Variants in EFNA5 observed in about 807,000 individuals in gnomAD.
The protein encoded by EFNA5 is ephrin A5.
In EFNA5, 5 loss-of-function variants were observed where a neutral mutation model predicts 22.9. The ratio of observed to expected loss-of-function variants is 0.22; its 90% confidence interval spans 0.11 to 0.46. The LOEUF (loss-of-function observed/expected upper bound fraction) is 0.46, where lower values mean the gene tolerates loss of function less well. Ranked by LOEUF, EFNA5 falls within the 20% of genes least tolerant of loss-of-function variation. The pLI is 0.99. For missense variants in EFNA5, 237 were observed against 293.3 expected (o/e 0.81, Z 1.40); for synonymous variants, 113 against 112.2 (o/e 1.01, Z -0.04).
At chr5:107,402,768 A>T (rs574898220) in intron 2 of EFNA5, among the ~76,000 whole-genome samples, 2 of 152,290 alleles carry the variant, frequency 1.3e-5, no homozygotes, top group South Asian at 4.1e-4. Flanking sequence ...GAAAAAAGAA[A>T]TTCTGTGGCA....
chr5:107,631,496 T>C (rs796860172), intron 1 of EFNA5, among the ~76,000 whole-genome samples: 26 of 152,112 alleles, frequency 1.7e-4, no homozygotes, highest in African/African-American at 4.8e-4. Context: ...ATTGAGCAAA[T>C]AGTTTTTCTG....
chr5:107,588,669 C>G (rs1749246876), intron 1 of EFNA5, among the ~76,000 whole-genome samples: 2 of 152,106 alleles, frequency 1.3e-5, no homozygotes, highest in African/African-American at 4.8e-5. Context: ...AATTGTTTCC[C>G]AAATATATTA....
intron 1 of EFNA5, among the ~76,000 whole-genome samples, chr5:107,522,480 G>A (rs1438143678): frequency 6.6e-6 from 1 of 152,060 alleles, no homozygotes; most frequent in African/African-American, 2.4e-5. Flanking sequence ...CTCACTGCAG[G>A]CTGGAACTCC....
intron 1 of EFNA5, among the ~76,000 whole-genome samples, chr5:107,637,276 C>T (rs1394856817): frequency 6.6e-6 from 1 of 152,176 alleles, no homozygotes; most frequent in Non-Finnish European, 1.5e-5. Flanking sequence ...CTTTAATCCA[C>T]TCCCAAGAAT....
chr5:107,408,153 C>G (rs1245944173), intron 2 of EFNA5, among the ~76,000 whole-genome samples: 1 of 151,808 alleles, frequency 6.6e-6, no homozygotes, highest in East Asian at 1.9e-4. Flanking sequence ...CCACAATGTG[C>G]CCTCAGCAAA....
chr5:107,408,492 T>C (rs1381849192), intron 2 of EFNA5, among the ~76,000 whole-genome samples: 1 of 152,228 alleles, frequency 6.6e-6, no homozygotes, highest in African/African-American at 2.4e-5. Context: ...ATTTATCTTT[T>C]GTAAAATCCT....
chr5:107,654,482 C>T (rs1750787502), intron 1 of EFNA5, among the ~76,000 whole-genome samples: 1 of 151,958 alleles, frequency 6.6e-6, no homozygotes, highest in Non-Finnish European at 1.5e-5. Flanking sequence ...AGTTGTCTGC[C>T]ATAACCAACT....
intron 1 of EFNA5, among the ~76,000 whole-genome samples, chr5:107,567,357 G>A (rs1022290966): frequency 2.6e-5 from 4 of 152,214 alleles, no homozygotes; most frequent in African/African-American, 7.2e-5. Flanking sequence ...ATAAGGCACA[G>A]AATCAACAAC....
chr5:107,479,916 A>T (rs907494572), intron 1 of EFNA5, among the ~76,000 whole-genome samples: 15 of 152,180 alleles, frequency 9.9e-5, no homozygotes, highest in African/African-American at 2.4e-4. Flanking sequence ...AGTATATTTT[A>T]AAAAACTAAA....
chr5:107,511,408 GT>G (rs1360165690), intron 1 of EFNA5, among the ~76,000 whole-genome samples: 1 of 152,142 alleles, frequency 6.6e-6, no homozygotes, highest in Non-Finnish European at 1.5e-5. Context: ...CATTTTTAAA[GT>G]AAATGGATGT....
intron 1 of EFNA5, among the ~76,000 whole-genome samples, chr5:107,431,029 C>T (rs1250350264): frequency 6.6e-6 from 1 of 152,154 alleles, no homozygotes; most frequent in Non-Finnish European, 1.5e-5. Flanking sequence ...CCAGCTCGGC[C>T]TCCCGAAGTG....
At chr5:107,580,340 C>A (rs1454451725) in intron 1 of EFNA5, among the ~76,000 whole-genome samples, 3 of 152,140 alleles carry the variant, frequency 2.0e-5, no homozygotes, top group Admixed American at 2.0e-4. Flanking sequence ...CTCATTTTCT[C>A]CAGCTATTTA....
At chr5:107,387,617 T>TA (rs982888493) in intron 3 of EFNA5, 89 bp downstream of exon 3, 67 of 877,966 alleles carry the variant, frequency 7.6e-5, no homozygotes, top group South Asian at 2.1e-4. Flanking sequence ...GATTTAACAG[T>TA]AAAAAAAAGT....
Position 107,502,949 on chromosome 5 carries a change from G to A in EFNA5, c.126-75440C>T, listed in dbSNP as rs544353515. Among the ~76,000 whole-genome samples the A allele has an allele frequency of 2.0e-5, 3 of 152,302 alleles. No individual in the cohort carries two copies. The East Asian group carries it at 5.8e-4, about 29-fold the overall frequency. On this transcript the variant is annotated intron_variant, in intron 1 of 4. Transcript: ENST00000333274. ...AGTCAACAGATGGTCTCTGGCTAAG[G>A]TGTAATCAGGAGCAGCTTGCTAAAT... is the stretch of plus-strand genomic sequence containing the variant.
At chr5:107,558,277 T>C (rs967626153) in intron 1 of EFNA5, among the ~76,000 whole-genome samples, 2 of 151,978 alleles carry the variant, frequency 1.3e-5, no homozygotes, top group African/African-American at 4.8e-5. Context: ...TTTTTTTTTG[T>C]TGTTTATTTT....
chr5:107,636,392 G>A (rs777040915), intron 1 of EFNA5, among the ~76,000 whole-genome samples: 2 of 152,164 alleles, frequency 1.3e-5, no homozygotes, highest in Admixed American at 6.5e-5. Flanking sequence ...AAAGCACAAA[G>A]CATGTTCAAA....
At chr5:107,574,592 C>A (rs1334175396) in intron 1 of EFNA5, among the ~76,000 whole-genome samples, 5 of 152,142 alleles carry the variant, frequency 3.3e-5, no homozygotes, top group African/African-American at 1.2e-4. Flanking sequence ...CAATTCTGTT[C>A]CAAACTTCAA....
chr5:107,581,295 T>C (rs1258744464), intron 1 of EFNA5, among the ~76,000 whole-genome samples: 1 of 152,228 alleles, frequency 6.6e-6, no homozygotes, highest in Non-Finnish European at 1.5e-5. Context: ...AGTCTACCTC[T>C]TTCCCCACTT....
intron 1 of EFNA5, among the ~76,000 whole-genome samples, chr5:107,614,729 A>G (rs756301969): frequency 6.6e-6 from 1 of 152,186 alleles, no homozygotes; most frequent in South Asian, 2.1e-4. Flanking sequence ...TTCTCTCTCA[A>G]AAATCCAGAA....
Sources: allele counts gnomAD v4.1 joint callset (sites outside exome capture counted in the v4.1 genomes callset), GRCh38; gene constraint gnomAD v4.1.1; transcripts MANE v1.5; gene names NCBI Gene and HGNC (gene_info 2026-07-23, HGNC 2026-07-21).